The following E2F2 variants were observed in gnomAD, a reference collection of about 807,000 sequenced individuals.
E2F2 encodes transcription factor E2F2.
A neutral mutation model predicts 42.2 loss-of-function variants in E2F2; 22 were observed. The ratio of observed to expected loss-of-function variants is 0.52; its 90% CI spans 0.37 to 0.74. The LOEUF (loss-of-function observed/expected upper bound fraction) is 0.74, where lower values mean the gene tolerates loss of function less well. Ranked by LOEUF, E2F2 falls within the 30% of genes least tolerant of loss-of-function variation. The probability of loss-of-function intolerance (pLI) is 0.00; values close to 1 mark genes in which losing one functional copy is unlikely to be tolerated. For missense variants in E2F2, 481 were observed against 557.8 expected, an observed-to-expected ratio of 0.86 and a Z score of 1.39; for synonymous variants, 248 against 251.6, an observed-to-expected ratio of 0.99 and a Z score of 0.13.
chr1:23,525,748 AAC>A (rs987397519), intron 1 of E2F2, among the ~76,000 whole-genome samples: 8 of 152,290 alleles, frequency 5.3e-5, no homozygotes, highest in Admixed American at 4.6e-4. Context: ...GTGTTCAGGA[AAC>A]ACAGAGTCCC....
Position 23,530,669 on chromosome 1 carries a change from G to C in E2F2, c.125C>G (p.Ala42Gly). The C allele has an allele frequency of 6.2e-7, 1 of 1,613,298 alleles. No homozygotes were observed. The highest frequency in any genetic ancestry group is 8.5e-7 in the Non-Finnish European group (1 of 1,179,740). ...CGGGTACAGCGGTGTGTAGTAGGTAGCAGTAGCTGGGCAGAGCTGGGGGCT... is the reference window on the plus strand; with the variant it reads ...CGGGTACAGCGGTGTGTAGTAGGTACCAGTAGCTGGGCAGAGCTGGGGGCT... ...LSSPQLCPATATYYTPLYPQT... is the reference protein window; with the variant it reads ...LSSPQLCPATGTYYTPLYPQT... Residue 42 changes from alanine to glycine, a missense_variant, in exon 1 of 7, where the codon GCT becomes GGT. Ala to Gly is a moderately conservative substitution (Grantham distance 60). Transcript: ENST00000361729. The surrounding 1 kb of genome is among the most constrained non-coding windows in gnomAD (Gnocchi z 4.4).
At chr1:23,525,030 C>T (rs1432253245) in intron 1 of E2F2, among the ~76,000 whole-genome samples, 3 of 152,212 alleles carry the variant, frequency 2.0e-5, no homozygotes, top group Non-Finnish European at 4.4e-5. Context: ...AGGGAGGTGC[C>T]CACAGTGGGA....
chr1:23,506,249 A>C (rs1321624536), downstream of E2F2, among the ~76,000 whole-genome samples: 1 of 152,092 alleles, frequency 6.6e-6, no homozygotes, highest in African/African-American at 2.4e-5. Flanking sequence ...GGTGCTGCGA[A>C]CTTTTCAGTG....
At chr1:23,524,327 C>G (rs1012818718) in intron 2 of E2F2, 56 bp downstream of exon 2, 105 of 1,337,938 alleles carry the variant, frequency 7.8e-5, no homozygotes, top group Admixed American at 1.7e-4. Flanking sequence ...TTGGGCAGGG[C>G]ACTGCCCTCT....
intron 6 of E2F2, among the ~76,000 whole-genome samples, chr1:23,513,562 A>ATGTGTGTGTGTGTGTGTGTG (rs71023281): frequency 7.4e-5 from 10 of 135,284 alleles, no homozygotes; most frequent in South Asian, 5.7e-4. Flanking sequence ...AGCACGGAAC[A>ATGTGTGTGTGTGTGTGTGTG]TGTGTGTGTG....
Position 23,519,332 on chromosome 1 carries a change from T to C in E2F2, c.738-202A>G, listed in dbSNP as rs1441493145. ...TTTGGAAAGCAAATGGGAATATAAATCATAAAAAATGTTGCCTTACATTAT... is the reference window on the plus strand; with the variant it reads ...TTTGGAAAGCAAATGGGAATATAAACCATAAAAAATGTTGCCTTACATTAT... On this transcript the variant is annotated intron_variant, in intron 4 of 6. Transcript: ENST00000361729. 7.7e-6 allele frequency: 3 copies of C among 391,584 alleles called. No homozygotes were observed. The East Asian group carries it at 1.2e-4, about 15-fold the overall frequency. The allele number at this position is 391,584 out of a possible 1,614,324, so 24.3% of individuals were successfully genotyped here.
intron 2 of E2F2, among the ~76,000 whole-genome samples, chr1:23,522,371 T>C (rs1643169194): frequency 6.6e-6 from 1 of 152,252 alleles, no homozygotes; most frequent in Non-Finnish European, 1.5e-5. Context: ...GTCACTGTTC[T>C]AAGTGCTTTC....
In E2F2 at chr1:23,524,072, C is replaced by CACAACA. The variant is rs61262862; in HGVS notation, c.358+305_358+310dup. Among the ~76,000 whole-genome samples, 450 of 125,268 alleles carry CACAACA rather than the reference C, an allele frequency of 3.6e-3. 7 individuals carry two copies. The highest frequency in any genetic ancestry group is 6.7e-3 in the African/African-American group (225 of 33,412). The allele number at this position is 125,268 out of a possible 152,430, so 82.2% of individuals were successfully genotyped here. On this transcript the variant is annotated intron_variant, in intron 2 of 6. Coordinates refer to ENST00000361729, the MANE Select transcript of E2F2 (RefSeq NM_004091.4). ...TTTGGTGACAGAGCGAGACCTGTCTCACAACAACAACAACAACAACAACAA... is the reference window on the plus strand; with the variant it reads ...TTTGGTGACAGAGCGAGACCTGTCTCACAACAACAACAACAACAACAACAACAACAA...
At position 23,521,941 on chromosome 1, in the gene E2F2, G is replaced by A. The variant is rs1335202475; in HGVS notation, c.474C>T (p.Ala158=). The A allele has an allele frequency of 1.9e-6, 3 of 1,614,190 alleles. No individual in the cohort carries two copies. Among genetic ancestry groups the A allele is most frequent in the African/African-American group, 1.3e-5 (1 of 75,044 alleles). ...SEDGVLDLNW[A]AEVLDVQKRR... is the part of the protein sequence containing the mutation. The stretch of plus-strand genomic sequence containing the variant: ...GCTTCTGCACGTCCAGCACCTCAGC[G>A]GCCCAGTTCAGGTCCAGGACCCCAT... The change falls in exon 3 of 7, where the codon GCC becomes GCT. Residue 158 remains alanine (A), a synonymous_variant. Transcript: ENST00000361729.
chr1:23,512,084 G>A (rs1642920092), intron 6 of E2F2, among the ~76,000 whole-genome samples: 1 of 152,148 alleles, frequency 6.6e-6, no homozygotes, highest in African/African-American at 2.4e-5. Context: ...TGTAATCCCA[G>A]TTAATAGGGA....
rs1230545640 is a variant in E2F2 at position 23,524,370 on chromosome 1, C to T, written c.358+13G>A. The T allele has an allele frequency of 2.1e-6, 3 of 1,409,768 alleles. No homozygotes were observed. The Admixed American group carries it at 5.3e-5, about 25-fold the overall frequency. 87.3% of individuals were successfully genotyped at this position (1,409,768 alleles called of 1,614,324 possible). On this transcript the variant is annotated intron_variant, in intron 2 of 6. Transcript: ENST00000361729. Reference sequence around the variant, plus strand: ...CCCCACCCCACCCCAGAGGCCCCATCAGCACTGCTTACTTTTGGGGCTGGG... The same window carrying T: ...CCCCACCCCACCCCAGAGGCCCCATTAGCACTGCTTACTTTTGGGGCTGGG...
chr1:23,522,133 C>T (rs1451672202), intron 2 of E2F2, 77 bp from the exon 3 acceptor site: 3 of 1,330,990 alleles, frequency 2.3e-6, no homozygotes, highest in Admixed American at 4.0e-5. Context: ...GACCTAGGCT[C>T]ATTAAGTACC....
At position 23,522,060 on chromosome 1, in the gene E2F2, A is replaced by G; in HGVS notation, c.359-4T>C. On this transcript the variant is annotated splice_polypyrimidine_tract_variant and splice_region_variant and intron_variant, in intron 2 of 6. Coordinates refer to ENST00000361729, the MANE Select transcript of E2F2 (RefSeq NM_004091.4). Reference sequence around the variant, plus strand: ...TTCTCCCCGGGGGATTTGGGGGCTGAAGAAGAAAGGGACCCAGTCACAGCT... The same window carrying G: ...TTCTCCCCGGGGGATTTGGGGGCTGGAGAAGAAAGGGACCCAGTCACAGCT... The G allele has an allele frequency of 6.2e-7, 1 of 1,613,648 alleles. No individual in the cohort carries two copies. The highest frequency in any genetic ancestry group is 1.7e-4 in the Middle Eastern group (1 of 6,060).
At chr1:23,511,504 G>A (rs1400592201) in intron 6 of E2F2, among the ~76,000 whole-genome samples, 3 of 152,038 alleles carry the variant, frequency 2.0e-5, no homozygotes, top group African/African-American at 7.2e-5. Flanking sequence ...CCAAAGTGCT[G>A]GGATTACAGA....
At chr1:23,522,627 G>A (rs937394605) in intron 2 of E2F2, among the ~76,000 whole-genome samples, 1 of 152,132 alleles carries the variant, frequency 6.6e-6, no homozygotes, top group African/African-American at 2.4e-5. Flanking sequence ...GATAAGCCTG[G>A]ATTTAAGAGC....
chr1:23,514,189 T>C (rs1642969662), intron 6 of E2F2, among the ~76,000 whole-genome samples: 1 of 151,904 alleles, frequency 6.6e-6, no homozygotes, highest in Admixed American at 6.6e-5. Flanking sequence ...ACCCAAGGTC[T>C]CAGAGGACAA....
intron 2 of E2F2, among the ~76,000 whole-genome samples, chr1:23,522,443 T>G (rs1643171301): frequency 6.6e-6 from 1 of 152,212 alleles, no homozygotes; most frequent in Non-Finnish European, 1.5e-5. Context: ...ATCATCCCCA[T>G]TTTATAGATG....
At chr1:23,512,500 C>T (rs904449981) in intron 6 of E2F2, among the ~76,000 whole-genome samples, 1 of 152,110 alleles carries the variant, frequency 6.6e-6, no homozygotes, top group African/African-American at 2.4e-5. Context: ...GCTGATGTTA[C>T]AGTCAGAGGC....
Position 23,531,089 on chromosome 1 carries a change from G to T in E2F2, c.-296C>A. Reference sequence around the variant, plus strand: ...GACGCCCCGCGCTCCCCAAGGCCTCGGCACCTGGGGTCCGGCCGGCTCTGG... The same window carrying T: ...GACGCCCCGCGCTCCCCAAGGCCTCTGCACCTGGGGTCCGGCCGGCTCTGG... On this transcript the variant is annotated 5_prime_UTR_variant, in exon 1 of 7. Transcript: ENST00000361729. 3.0e-6 allele frequency: 1 copy of T among 338,094 alleles called. No homozygotes were observed. Among genetic ancestry groups the T allele is most frequent in the Non-Finnish European group, 5.3e-6 (1 of 187,348 alleles). 20.9% of individuals were successfully genotyped at this position (338,094 alleles called of 1,614,324 possible).
Sources: gnomAD v4.1 joint callset for allele counts (sites outside exome capture counted in the v4.1 genomes callset) on GRCh38, gnomAD v4.1.1 for gene constraint, Gnocchi (gnomAD v3.1) non-coding constraint, MANE v1.5 for transcripts, NCBI Gene and HGNC (gene_info 2026-07-23, HGNC 2026-07-21) for gene names.